BCL2L14: variants seen among roughly 807,000 people sequenced by gnomAD.
BCL2L14 encodes the protein BCL2 like 14.
BCL2L14 carries 27 observed loss-of-function variants against 35.3 expected under a neutral mutation model. The observed-to-expected ratio is 0.76, with a 90% CI of 0.56 to 1.05. The LOEUF (loss-of-function observed/expected upper bound fraction) is 1.05. Ranked by LOEUF, BCL2L14 falls within the 50% of genes least tolerant of loss-of-function variation. The pLI is 0.00. For missense variants in BCL2L14, 377 were observed against 382.6 expected (o/e 0.99, Z 0.12); for synonymous variants, 139 against 145.9 (o/e 0.95, Z 0.34).
In BCL2L14 at chr12:12,060,748, C is replaced by T. The variant is rs1461031366; in HGVS notation, c.-272+8901C>T. On this transcript the variant is annotated intron_variant, in intron 2 of 3. Coordinates refer to the BCL2L14 transcript ENST00000461264. Reference sequence around the variant, plus strand: ...TAAGCCGTGTCCCATCTGTGCGGGACCCCACTGGAAATCAGACTGTTCAAC... The same window carrying T: ...TAAGCCGTGTCCCATCTGTGCGGGATCCCACTGGAAATCAGACTGTTCAAC... 5.9e-5 allele frequency among the ~76,000 whole-genome samples: 6 copies of T among 102,306 alleles called. No individual in the cohort carries two copies. In the East Asian group the frequency reaches 1.3e-3, roughly 22 times the overall value. 67.1% of individuals were successfully genotyped at this position (102,306 alleles called of 152,430 possible). A position where few individuals can be genotyped will look rare whatever the true frequency, so the allele number is the denominator to read the frequency against.
intron 2 of BCL2L14, among the ~76,000 whole-genome samples, chr12:12,058,868 A>G (rs1411060531): frequency 2.0e-5 from 3 of 152,158 alleles, no homozygotes; most frequent in South Asian, 2.1e-4. Context: ...AGAAAGATCC[A>G]CCTATGACCT....
chr12:12,062,943 C>A (rs1948546906), intron 2 of BCL2L14, among the ~76,000 whole-genome samples: 1 of 152,222 alleles, frequency 6.6e-6, no homozygotes, highest in Non-Finnish European at 1.5e-5. Flanking sequence ...CAGCCACCAA[C>A]TTAAAAAGGA....
chr12:12,085,488 C>T (rs1349615518), intron 2 of BCL2L14, among the ~76,000 whole-genome samples: 1 of 152,192 alleles, frequency 6.6e-6, no homozygotes, highest in Admixed American at 6.5e-5. Flanking sequence ...AAGTCTGTTT[C>T]GCTTGGTTCT....
chr12:12,059,795 C>A (rs1202314595), intron 2 of BCL2L14, among the ~76,000 whole-genome samples: 2 of 152,168 alleles, frequency 1.3e-5, no homozygotes, highest in Non-Finnish European at 2.9e-5. Flanking sequence ...TGCCGCTTGA[C>A]CCCAATACAA....
chr12:12,085,772 T>C (rs535900035), intron 2 of BCL2L14, among the ~76,000 whole-genome samples: 3 of 152,252 alleles, frequency 2.0e-5, no homozygotes, highest in Non-Finnish European at 4.4e-5. Context: ...CTGCATATGA[T>C]GTCAAAACCT....
At chr12:12,058,486 A>G (rs1229587588) in intron 2 of BCL2L14, among the ~76,000 whole-genome samples, 1 of 152,098 alleles carries the variant, frequency 6.6e-6, no homozygotes, top group Admixed American at 6.6e-5. Context: ...ATTCTACCAC[A>G]AAAGAAGTGA....
chr12:12,052,621 G>A (rs1231272317), intron 2 of BCL2L14, among the ~76,000 whole-genome samples: 1 of 152,128 alleles, frequency 6.6e-6, no homozygotes, highest in Non-Finnish European at 1.5e-5. Context: ...TCATTCATCT[G>A]TTGATGGACA....
intron 5 of BCL2L14, chr12:12,095,270 GC>G (rs946605922): frequency 4.1e-6 from 4 of 985,214 alleles, no homozygotes; most frequent in Admixed American, 6.2e-5. Flanking sequence ...CGGAAGTCTG[GC>G]AGGGAGACAA....
chr12:12,065,488 A>G (rs1050850332), intron 2 of BCL2L14, among the ~76,000 whole-genome samples: 1 of 150,790 alleles, frequency 6.6e-6, no homozygotes, highest in Middle Eastern at 3.2e-3. Flanking sequence ...GTGAGCAGAG[A>G]TTGCACCACT....
chr12:12,089,094 C>T (rs571814623), intron 3 of BCL2L14, among the ~76,000 whole-genome samples: 10 of 152,186 alleles, frequency 6.6e-5, no homozygotes, highest in South Asian at 6.2e-4. Context: ...TGGCCGGGAG[C>T]GGTGGCTCGT....
chr12:12,077,137 G>C (rs1948798506), intron 1 of BCL2L14, among the ~76,000 whole-genome samples: 1 of 152,290 alleles, frequency 6.6e-6, no homozygotes, highest in Middle Eastern at 3.4e-3. Context: ...ATGCCAGCCA[G>C]TCCCCTTAAT....
intron 2 of BCL2L14, among the ~76,000 whole-genome samples, chr12:12,056,749 C>T (rs900433664): frequency 2.6e-5 from 4 of 152,164 alleles, no homozygotes; most frequent in Non-Finnish European, 5.9e-5. Flanking sequence ...AGGAAAATCG[C>T]TTAAACCTGG....
chr12:12,060,392 T>G, intron 2 of BCL2L14, among the ~76,000 whole-genome samples: 1 of 74,978 alleles, frequency 1.3e-5, no homozygotes, highest in Admixed American at 1.5e-4. Context: ...CCCTAAAAGG[T>G]CAAAAGGCCG....
chr12:12,098,736 C>T (rs1324919608), intron 5 of BCL2L14, among the ~76,000 whole-genome samples: 1 of 152,144 alleles, frequency 6.6e-6, no homozygotes, highest in African/African-American at 2.4e-5. Context: ...AAGATCCAGC[C>T]TGTTAGCTCT....
upstream of BCL2L14, among the ~76,000 whole-genome samples, chr12:12,069,106 G>A (rs564583344): frequency 1.3e-5 from 2 of 152,274 alleles, no homozygotes; most frequent in African/African-American, 2.4e-5. Flanking sequence ...CTGTGAGGAC[G>A]ACCGGAGGTT....
At chr12:12,061,547 T>A (rs4763770) in intron 2 of BCL2L14, among the ~76,000 whole-genome samples, 76,027 of 151,414 alleles carry the variant, frequency 0.5, 19,510 homozygotes, top group Middle Eastern at 0.58. Context: ...ACCAAATTGT[T>A]TTGCCTATCC....
intron 1 of BCL2L14, among the ~76,000 whole-genome samples, chr12:12,077,537 C>A (rs949671176): frequency 2.6e-3 from 293 of 112,942 alleles, no homozygotes; most frequent in Middle Eastern, 4.7e-3. Flanking sequence ...AACTGAGTCT[C>A]AAAAAAAAAA....
intron 1 of BCL2L14, 160 bp from the exon 2 acceptor site, chr12:12,079,139 C>G: frequency 1.6e-6 from 1 of 639,730 alleles, no homozygotes; most frequent in South Asian, 2.0e-5. Flanking sequence ...TGTCTCTCTT[C>G]CCACCCTAGT....
At chr12:12,065,022 G>C (rs531398697) in intron 2 of BCL2L14, among the ~76,000 whole-genome samples, 1 of 152,320 alleles carries the variant, frequency 6.6e-6, no homozygotes, top group African/African-American at 2.4e-5. Flanking sequence ...AGGTATAGGG[G>C]AGAAGAAAAT....
Sources: allele counts gnomAD v4.1 joint callset (sites outside exome capture counted in the v4.1 genomes callset), GRCh38; gene constraint gnomAD v4.1.1; transcripts MANE v1.5; gene names NCBI Gene and HGNC (gene_info 2026-07-23, HGNC 2026-07-21).